The following CNTNAP5 variants were observed in gnomAD, a reference collection of about 807,000 sequenced individuals.
CNTNAP5 encodes the protein contactin associated protein family member 5.
A neutral mutation model predicts 150.2 loss-of-function variants in CNTNAP5; 72 were observed. The observed-to-expected ratio is 0.48, with a 90% CI of 0.40 to 0.58. The LOEUF is 0.58. Among genes scored for constraint, CNTNAP5 ranks in the 20% least tolerant of loss-of-function variants. The pLI, the probability that CNTNAP5 is intolerant of heterozygous loss-of-function variation, is 0.00. For synonymous variants in CNTNAP5, 672 were observed against 619.8 expected (o/e 1.08, Z -1.25); for missense variants, 1,636 against 1,626.2 (o/e 1.01, Z -0.10).
intron 4 of CNTNAP5, among the ~76,000 whole-genome samples, chr2:124,428,447 G>A (rs929088692): frequency 6.6e-6 from 1 of 152,166 alleles, no homozygotes; most frequent in African/African-American, 2.4e-5. Flanking sequence ...AAAAAGGATA[G>A]AGGGTTTGAG....
chr2:124,428,552 GGAGCAAGTGAAA>G (rs201431122), intron 4 of CNTNAP5, among the ~76,000 whole-genome samples: 3,229 of 152,288 alleles, frequency 0.021, 42 homozygotes, highest in Non-Finnish European at 0.032. Context: ...TCCCAGAAAG[GGAGCAAGTGAAA>G]GAGCAAGTGA....
intron 1 of CNTNAP5, among the ~76,000 whole-genome samples, chr2:124,086,318 C>T (rs2104681104): frequency 6.7e-6 from 1 of 150,052 alleles, no homozygotes; most frequent in East Asian, 2.0e-4. Context: ...ATTCTCCTGC[C>T]TCAGCCTCCC....
intron 11 of CNTNAP5, among the ~76,000 whole-genome samples, chr2:124,592,650 G>C (rs907905914): frequency 1.3e-5 from 2 of 151,954 alleles, no homozygotes; most frequent in African/African-American, 4.8e-5. Context: ...CTAGGGAAAA[G>C]GCCTTTCCCC....
chr2:124,683,818 T>C (rs1679124842), intron 13 of CNTNAP5, among the ~76,000 whole-genome samples: 1 of 152,220 alleles, frequency 6.6e-6, no homozygotes, highest in African/African-American at 2.4e-5. Context: ...AAAAAAGTTT[T>C]CTAGTCACAA....
intron 12 of CNTNAP5, among the ~76,000 whole-genome samples, chr2:124,628,574 CATAG>C (rs1280935692): frequency 2.0e-5 from 3 of 152,162 alleles, no homozygotes; most frequent in African/African-American, 7.2e-5. Flanking sequence ...AAGCACTAAA[CATAG>C]ATAGGAAAAA....
intron 3 of CNTNAP5, among the ~76,000 whole-genome samples, chr2:124,272,763 T>A (rs1687792178): frequency 6.6e-6 from 1 of 152,188 alleles, no homozygotes; most frequent in South Asian, 2.1e-4. Context: ...ACACCAGTAA[T>A]GAGGTAAAAG....
Position 124,121,733 on chromosome 2 carries a change from C to A in CNTNAP5, c.82+96001C>A, listed in dbSNP as rs544419984. On this transcript the variant is annotated intron_variant, in intron 1 of 23. Coordinates refer to ENST00000682447, the MANE Select transcript of CNTNAP5 (RefSeq NM_001367498.1). ...ATCATTCCTAAACTATCCCATGCAC[C>A]CAGTTTTTACAACCCTCATCAAGAC... is the stretch of plus-strand genomic sequence containing the variant. 2.0e-5 allele frequency among the ~76,000 whole-genome samples: 3 copies of A among 152,194 alleles called. No individual in the cohort carries two copies. The South Asian group carries it at 6.2e-4, about 32-fold the overall frequency.
At chr2:124,356,865 C>A (rs2104708556) in intron 3 of CNTNAP5, among the ~76,000 whole-genome samples, 1 of 151,166 alleles carries the variant, frequency 6.6e-6, no homozygotes. Flanking sequence ...AGTTCTAGAT[C>A]CCTGAGGAAT....
At chr2:124,695,189 G>T (rs1679380941) in intron 13 of CNTNAP5, among the ~76,000 whole-genome samples, 1 of 152,140 alleles carries the variant, frequency 6.6e-6, no homozygotes, top group Admixed American at 6.6e-5. Context: ...TCGCACCATG[G>T]CCAATCTTAC....
At chr2:124,692,965 G>A (rs1679329880) in intron 13 of CNTNAP5, among the ~76,000 whole-genome samples, 1 of 152,072 alleles carries the variant, frequency 6.6e-6, no homozygotes, top group South Asian at 2.1e-4. Flanking sequence ...CTGTTCTTCA[G>A]AAATCAAAGA....
At chr2:124,638,980 G>C (rs1305408983) in intron 12 of CNTNAP5, among the ~76,000 whole-genome samples, 2 of 152,044 alleles carry the variant, frequency 1.3e-5, no homozygotes, top group African/African-American at 4.8e-5. Context: ...TATAACCTCG[G>C]CTGCACAGCG....
At chr2:124,655,002 G>T (rs1020659654) in intron 13 of CNTNAP5, among the ~76,000 whole-genome samples, 2 of 150,748 alleles carry the variant, frequency 1.3e-5, no homozygotes, top group Non-Finnish European at 3.0e-5. Flanking sequence ...TATACTTTAG[G>T]TTCTGGGATA....
At chr2:124,739,804 C>T (rs982659967) in intron 13 of CNTNAP5, among the ~76,000 whole-genome samples, 1 of 151,960 alleles carries the variant, frequency 6.6e-6, no homozygotes, top group African/African-American at 2.4e-5. Context: ...AAACTGTTCC[C>T]ACGACCCCTG....
chr2:124,026,548 G>C (rs1431093542), intron 1 of CNTNAP5, among the ~76,000 whole-genome samples: 1 of 152,152 alleles, frequency 6.6e-6, no homozygotes, highest in Non-Finnish European at 1.5e-5. Context: ...TAAATCTCTG[G>C]AGCTATGAGA....
chr2:124,176,842 G>GTTTTT (rs71394026), intron 1 of CNTNAP5, among the ~76,000 whole-genome samples: 2 of 119,892 alleles, frequency 1.7e-5, no homozygotes, highest in African/African-American at 3.2e-5. Flanking sequence ...GTTATTGCTG[G>GTTTTT]TTTTTTTTTT....
chr2:124,505,174 A>C (rs1346507196), intron 8 of CNTNAP5, among the ~76,000 whole-genome samples: 1 of 152,008 alleles, frequency 6.6e-6, no homozygotes, highest in African/African-American at 2.4e-5. Context: ...CATTTATAGA[A>C]CTCTCTGCTA....
At position 124,025,698 on chromosome 2, in the gene CNTNAP5, T is replaced by C. The variant is rs752114870; in HGVS notation, c.48T>C (p.Ser16=). The change falls in exon 1 of 24, where the codon TCT becomes TCC. Residue 16 remains serine (S), a synonymous_variant. Transcript: ENST00000682447. Reference sequence around the variant, plus strand: ...CCAGCGTTTTGACTTTGCTGTTCTCTGGCTTGTGGCATTTAGGATTAACAG... The same window carrying C: ...CCAGCGTTTTGACTTTGCTGTTCTCCGGCTTGTGGCATTTAGGATTAACAG... ...RLTSVLTLLF[S]GLWHLGLTAT... is the part of the protein sequence containing the mutation. 2 of 1,613,804 alleles carry C rather than the reference T, an allele frequency of 1.2e-6. No individual in the cohort carries two copies. Among genetic ancestry groups the C allele is most frequent in the South Asian group, 1.1e-5 (1 of 91,074 alleles).
chr2:124,881,259 C>G (rs557971175), intron 21 of CNTNAP5, among the ~76,000 whole-genome samples: 2 of 151,986 alleles, frequency 1.3e-5, no homozygotes, highest in African/African-American at 4.8e-5. Context: ...TAATGCCTAA[C>G]CTTTGGATAC....
intron 1 of CNTNAP5, among the ~76,000 whole-genome samples, chr2:124,051,623 T>C (rs1681698132): frequency 6.6e-6 from 1 of 152,204 alleles, no homozygotes; most frequent in South Asian, 2.1e-4. Context: ...AGAAGAGCAT[T>C]GATGGTGGTG....
Sources: allele counts gnomAD v4.1 joint callset (sites outside exome capture counted in the v4.1 genomes callset), GRCh38; gene constraint gnomAD v4.1.1; transcripts MANE v1.5; gene names NCBI Gene and HGNC (gene_info 2026-07-23, HGNC 2026-07-21).